Variants in BICD1 observed in about 807,000 individuals in gnomAD.
The protein encoded by BICD1 is protein bicaudal D homolog 1.
BICD1 carries 35 observed loss-of-function variants against 92.5 expected under a neutral mutation model. That is an observed-to-expected ratio of 0.38 (90% CI 0.29 to 0.50). The LOEUF is 0.50. Ranked by LOEUF, BICD1 falls within the 20% of genes least tolerant of loss-of-function variation. The probability of loss-of-function intolerance (pLI) is 0.93; values close to 1 mark genes in which losing one functional copy is unlikely to be tolerated. For synonymous variants in BICD1, 429 were observed against 465.1 expected (o/e 0.92, Z 1.00); for missense variants, 950 against 1,189.8 (o/e 0.80, Z 2.97).
At chr12:32,338,660 A>T in intron 7 of BICD1, 126 bp from the exon 8 acceptor site, 3 of 786,126 alleles carry the variant, frequency 3.8e-6, no homozygotes, top group Non-Finnish European at 5.8e-6. Context: ...AAGCAAAAAG[A>T]TTGATTTACA....
chr12:32,159,442 CA>C (rs1245283980), intron 1 of BICD1, among the ~76,000 whole-genome samples: 3 of 152,122 alleles, frequency 2.0e-5, no homozygotes, highest in Middle Eastern at 3.2e-3. Context: ...AAGGAAGACA[CA>C]ATAACACACT....
intron 1 of BICD1, among the ~76,000 whole-genome samples, chr12:32,206,357 G>C (rs1945055156): frequency 6.6e-6 from 1 of 152,222 alleles, no homozygotes. Context: ...TGTAATCCCA[G>C]CACTTTGGGA....
At chr12:32,290,887 A>C (rs1016031075) in intron 2 of BICD1, among the ~76,000 whole-genome samples, 4 of 152,160 alleles carry the variant, frequency 2.6e-5, no homozygotes, top group Admixed American at 6.5e-5. Context: ...TTTTGAATGA[A>C]GTCTTCCTTA....
intron 2 of BICD1, among the ~76,000 whole-genome samples, chr12:32,286,425 G>T (rs921862630): frequency 1.3e-5 from 2 of 151,700 alleles, no homozygotes; most frequent in Non-Finnish European, 2.9e-5. Flanking sequence ...TTTCAAGAAA[G>T]AAAAAAATTA....
intron 1 of BICD1, among the ~76,000 whole-genome samples, chr12:32,186,888 G>A (rs544292746): frequency 1.3e-5 from 2 of 152,302 alleles, no homozygotes; most frequent in African/African-American, 4.8e-5. Context: ...AGGTCCAAAA[G>A]ACTTCAAAAT....
At chr12:32,300,538 G>T (rs1441277189) in intron 3 of BICD1, among the ~76,000 whole-genome samples, 2 of 151,878 alleles carry the variant, frequency 1.3e-5, no homozygotes, top group African/African-American at 4.8e-5. Flanking sequence ...CAGTCAGAGG[G>T]TTGGTTGAAA....
At chr12:32,190,394 G>A (rs569644481) in intron 1 of BICD1, among the ~76,000 whole-genome samples, 10 of 152,258 alleles carry the variant, frequency 6.6e-5, no homozygotes, top group Admixed American at 5.2e-4. Flanking sequence ...GAAAGTAAAG[G>A]GATGGAAGAA....
intron 7 of BICD1, chr12:32,338,457 C>A: frequency 4.7e-6 from 1 of 214,378 alleles, no homozygotes; most frequent in Non-Finnish European, 9.0e-6. Context: ...TTTGTGAGTC[C>A]TGGCTGTTGA....
intron 1 of BICD1, among the ~76,000 whole-genome samples, chr12:32,196,438 A>G (rs796799971): frequency 1.3e-5 from 2 of 152,362 alleles, no homozygotes; most frequent in African/African-American, 2.4e-5. Context: ...ACACAATGGA[A>G]TATTATTTAG....
At chr12:32,121,815 T>A (rs199942828) in intron 1 of BICD1, among the ~76,000 whole-genome samples, 51,202 of 138,228 alleles carry the variant, frequency 0.37, 10,152 homozygotes, top group Middle Eastern at 0.55. Context: ...TTGTCAAATT[T>A]TTTTTTTTTT....
At chr12:32,323,713 T>C (rs1409498325) in intron 4 of BICD1, among the ~76,000 whole-genome samples, 1 of 152,220 alleles carries the variant, frequency 6.6e-6, no homozygotes, top group African/African-American at 2.4e-5. Flanking sequence ...CAAAACTGTA[T>C]CTTAGGTTCT....
intron 8 of BICD1, among the ~76,000 whole-genome samples, chr12:32,343,842 A>G (rs777930724): frequency 1.3e-5 from 2 of 152,224 alleles, no homozygotes; most frequent in Non-Finnish European, 2.9e-5. Flanking sequence ...TATATAGTCA[A>G]CAGTACACAC....
intron 1 of BICD1, among the ~76,000 whole-genome samples, chr12:32,169,794 T>C (rs1407422051): frequency 6.6e-6 from 1 of 152,168 alleles, no homozygotes; most frequent in African/African-American, 2.4e-5. Flanking sequence ...CTCACTGTGT[T>C]GCCCAGGCTG....
At chr12:32,235,793 C>T (rs1253028338) in intron 2 of BICD1, among the ~76,000 whole-genome samples, 1 of 151,308 alleles carries the variant, frequency 6.6e-6, no homozygotes, top group African/African-American at 2.4e-5. Flanking sequence ...CTCCGCCTCC[C>T]AGGTTCAAGT....
intron 8 of BICD1, among the ~76,000 whole-genome samples, chr12:32,345,289 A>G (rs550027401): frequency 4.0e-5 from 6 of 151,770 alleles, no homozygotes; most frequent in Non-Finnish European, 5.9e-5. Context: ...AAAAAAAAAA[A>G]AAGAAGAAAA....
intron 1 of BICD1, among the ~76,000 whole-genome samples, chr12:32,144,722 A>G (rs1356282160): frequency 6.6e-6 from 1 of 152,228 alleles, no homozygotes; most frequent in Non-Finnish European, 1.5e-5. Flanking sequence ...GAAACCTTTT[A>G]TATAGCAAGT....
At chr12:32,130,407 G>A (rs1942499875) in intron 1 of BICD1, among the ~76,000 whole-genome samples, 5 of 152,098 alleles carry the variant, frequency 3.3e-5, no homozygotes, top group Admixed American at 3.3e-4. Flanking sequence ...GTTTCACCGT[G>A]GTCTCGATCT....
intron 2 of BICD1, among the ~76,000 whole-genome samples, chr12:32,261,003 C>T (rs75601287): frequency 0.048 from 7,321 of 152,258 alleles, 230 homozygotes; most frequent in Middle Eastern, 0.11. Flanking sequence ...GCCACTGATT[C>T]GGAGAATCTC....
chr12:32,135,150 G>T (rs1942689988), intron 1 of BICD1, among the ~76,000 whole-genome samples: 1 of 146,730 alleles, frequency 6.8e-6, no homozygotes, highest in Non-Finnish European at 1.5e-5. Flanking sequence ...GTGCAGTGGT[G>T]TGGTCTCAGT....
Sources: allele counts gnomAD v4.1 joint callset (sites outside exome capture counted in the v4.1 genomes callset), GRCh38; gene constraint gnomAD v4.1.1; transcripts MANE v1.5; gene names NCBI Gene and HGNC (gene_info 2026-07-23, HGNC 2026-07-21).